Variants in DLG2 observed in about 807,000 individuals in gnomAD.
DLG2 encodes the protein disks large homolog 2.
A neutral mutation model predicts 132.5 loss-of-function variants in DLG2; 45 were observed. That is an observed-to-expected ratio of 0.34 (90% CI 0.27 to 0.44). The LOEUF (loss-of-function observed/expected upper bound fraction) is 0.44, where lower values mean the gene tolerates loss of function less well. DLG2 is among the 20% of genes least tolerant of loss of function. The probability of loss-of-function intolerance (pLI) is 1.00; values close to 1 mark genes in which losing one functional copy is unlikely to be tolerated. For missense variants in DLG2, 1,045 were observed against 1,196.9 expected, an observed-to-expected ratio of 0.87 and a Z score of 1.87; for synonymous variants, 424 against 419.6, an observed-to-expected ratio of 1.01 and a Z score of -0.13.
intron 10 of DLG2, among the ~76,000 whole-genome samples, chr11:84,097,177 G>A (rs931460661): frequency 3.3e-5 from 5 of 152,078 alleles, no homozygotes. Flanking sequence ...ATAAGACTCC[G>A]TCCTTGATTA....
intron 18 of DLG2, among the ~76,000 whole-genome samples, chr11:83,734,394 TC>T: frequency 6.9e-6 from 1 of 145,108 alleles, no homozygotes; most frequent in Non-Finnish European, 1.5e-5. Flanking sequence ...CTTCCTTCCT[TC>T]CTTCCTTCCT....
rs1446262814 is a variant in DLG2, at chr11:83,691,472, C to T, written c.1826-58147G>A. Among the ~76,000 whole-genome samples the T allele has an allele frequency of 2.6e-5, 4 of 152,230 alleles. No homozygotes were observed. The East Asian group carries it at 7.7e-4, about 29-fold the overall frequency. ...GAGTCTCTCAAATACACACTTGGCC[C>T]CTGCGTATGAGGCTCTGCTGTCTCT... On this transcript the variant is annotated intron_variant, in intron 18 of 27. Coordinates refer to ENST00000376104, the MANE Select transcript of DLG2 (RefSeq NM_001142699.3).
intron 11 of DLG2, among the ~76,000 whole-genome samples, chr11:84,029,149 A>G (rs577486929): frequency 6.6e-6 from 1 of 152,198 alleles, no homozygotes; most frequent in East Asian, 1.9e-4. Context: ...TTTTCTTTTC[A>G]GGATTAAAAA....
chr11:85,093,418 A>C (rs1287079627), intron 6 of DLG2, among the ~76,000 whole-genome samples: 1 of 152,136 alleles, frequency 6.6e-6, no homozygotes, highest in Non-Finnish European at 1.5e-5. Flanking sequence ...TCACACACTA[A>C]TCTCCTCTGG....
intron 3 of DLG2, among the ~76,000 whole-genome samples, chr11:85,450,898 C>T (rs2092216884): frequency 6.6e-6 from 1 of 152,014 alleles, no homozygotes; most frequent in South Asian, 2.1e-4. Context: ...GCTCTTCCTC[C>T]ATATTTCTAA....
At chr11:85,089,075 A>C (rs623403) in intron 6 of DLG2, among the ~76,000 whole-genome samples, 22,065 of 152,206 alleles carry the variant, frequency 0.14, 1,809 homozygotes, top group South Asian at 0.29. Flanking sequence ...GAGGGTCCAA[A>C]GTCTCCCAGT....
intron 6 of DLG2, among the ~76,000 whole-genome samples, chr11:84,731,722 T>C (rs1470993897): frequency 1.3e-5 from 2 of 152,008 alleles, no homozygotes; most frequent in East Asian, 1.9e-4. Context: ...TTTGTTCTTA[T>C]TCTAAAAGCC....
chr11:85,508,916 T>C (rs984399950), intron 3 of DLG2, among the ~76,000 whole-genome samples: 3 of 152,222 alleles, frequency 2.0e-5, no homozygotes, highest in African/African-American at 7.2e-5. Context: ...GACCAACATA[T>C]ACATATATTG....
At chr11:84,826,843 A>C (rs116413459) in intron 6 of DLG2, among the ~76,000 whole-genome samples, 2,171 of 151,926 alleles carry the variant, frequency 0.014, 50 homozygotes, top group African/African-American at 0.049. Flanking sequence ...CTCAACAGGA[A>C]ATCTTATTTA....
intron 9 of DLG2, among the ~76,000 whole-genome samples, chr11:84,120,505 A>G (rs187699227): frequency 6.6e-6 from 1 of 152,358 alleles, no homozygotes; most frequent in African/African-American, 2.4e-5. Context: ...CACTGCATCA[A>G]AAATAAAGCG....
chr11:85,363,106 A>T (rs1240466101), intron 3 of DLG2, among the ~76,000 whole-genome samples: 1 of 152,210 alleles, frequency 6.6e-6, no homozygotes, highest in Non-Finnish European at 1.5e-5. Flanking sequence ...CAGTGGGGTT[A>T]GGAGTCTTCG....
At chr11:84,670,557 T>G (rs190219675) in intron 6 of DLG2, among the ~76,000 whole-genome samples, 1 of 152,232 alleles carries the variant, frequency 6.6e-6, no homozygotes, top group East Asian at 1.9e-4. Flanking sequence ...AATGTTCAAT[T>G]CTGTGTCTAT....
At chr11:84,174,594 T>G (rs1051125403) in intron 8 of DLG2, among the ~76,000 whole-genome samples, 1 of 152,194 alleles carries the variant, frequency 6.6e-6, no homozygotes, top group African/African-American at 2.4e-5. Flanking sequence ...AAAAATATTT[T>G]GAATGCCTAA....
intron 7 of DLG2, among the ~76,000 whole-genome samples, chr11:84,276,597 T>C (rs186099906): frequency 5.8e-4 from 89 of 152,326 alleles, no homozygotes; most frequent in Non-Finnish European, 9.7e-4. Flanking sequence ...GGAGCATATG[T>C]ATTTTCTTCC....
intron 7 of DLG2, among the ~76,000 whole-genome samples, chr11:84,276,337 C>T (rs1420815867): frequency 6.6e-6 from 1 of 152,120 alleles, no homozygotes. Flanking sequence ...TTTTGTATTC[C>T]TGCCCACTTT....
chr11:85,596,002 A>C (rs1175243971), intron 3 of DLG2, among the ~76,000 whole-genome samples: 1 of 152,098 alleles, frequency 6.6e-6, no homozygotes, highest in Non-Finnish European at 1.5e-5. Flanking sequence ...CCTATAATCC[A>C]AATACTTTGG....
chr11:84,303,221 A>G (rs1001000957), intron 7 of DLG2, among the ~76,000 whole-genome samples: 2 of 152,218 alleles, frequency 1.3e-5, no homozygotes, highest in African/African-American at 4.8e-5. Context: ...GATTAGAGAA[A>G]TGAAAAATCA....
chr11:83,723,592 C>T (rs1273933721), intron 18 of DLG2, among the ~76,000 whole-genome samples: 2 of 151,366 alleles, frequency 1.3e-5, no homozygotes, highest in Non-Finnish European at 2.9e-5. Context: ...TAGTGGCTCA[C>T]GCCTGTAATC....
chr11:84,533,845 T>C (rs1292940236), intron 7 of DLG2, among the ~76,000 whole-genome samples: 1 of 146,788 alleles, frequency 6.8e-6, no homozygotes, highest in Non-Finnish European at 1.5e-5. Flanking sequence ...CTTTTTAAAC[T>C]TTAATCAACC....
Sources: allele counts gnomAD v4.1 joint callset (sites outside exome capture counted in the v4.1 genomes callset), GRCh38; gene constraint gnomAD v4.1.1; transcripts MANE v1.5; gene names NCBI Gene and HGNC (gene_info 2026-07-23, HGNC 2026-07-21).